Variants in PDE1A observed in about 807,000 individuals in gnomAD.
The protein encoded by PDE1A is phosphodiesterase 1A, also known as dual specificity calcium/calmodulin-dependent 3',5'-cyclic nucleotide phosphodiesterase 1A.
A neutral mutation model predicts 61.7 loss-of-function variants in PDE1A; 35 were observed. That is an observed-to-expected ratio of 0.57 (90% CI 0.43 to 0.75). The LOEUF (loss-of-function observed/expected upper bound fraction) is 0.75, where lower values mean the gene tolerates loss of function less well. Among genes scored for constraint, PDE1A ranks in the 30% least tolerant of loss-of-function variants. The pLI is 0.00. For synonymous variants in PDE1A, 232 were observed against 213.2 expected, an observed-to-expected ratio of 1.09 and a Z score of -0.77; for missense variants, 597 against 630.6, an observed-to-expected ratio of 0.95 and a Z score of 0.57.
intron 1 of PDE1A, among the ~76,000 whole-genome samples, chr2:182,369,088 A>G (rs968124030): frequency 6.6e-6 from 1 of 152,140 alleles, no homozygotes; most frequent in Non-Finnish European, 1.5e-5. Context: ...ATATCACCTT[A>G]GATTACTTCC....
the PDE1A span, among the ~76,000 whole-genome samples, chr2:182,635,476 CTTGT>C: frequency 3.3e-5 from 5 of 151,828 alleles, no homozygotes; most frequent in South Asian, 2.1e-4. Context: ...AGAATACTTC[CTTGT>C]TTGTTTTTAT....
intron 2 of PDE1A, among the ~76,000 whole-genome samples, chr2:182,518,392 C>T (rs1371130816): frequency 6.6e-6 from 1 of 152,042 alleles, no homozygotes; most frequent in Non-Finnish European, 1.5e-5. Flanking sequence ...TCACTTTTTG[C>T]TTCTAAACAT....
the PDE1A span, among the ~76,000 whole-genome samples, chr2:182,691,099 AC>A: frequency 6.6e-6 from 1 of 152,242 alleles, no homozygotes; most frequent in Non-Finnish European, 1.5e-5. Flanking sequence ...AAATGGCCAT[AC>A]AGCCCAAGGT....
chr2:182,168,250 C>A (rs370497015), exon 14 of PDE1A: 30 of 1,592,636 alleles, frequency 1.9e-5, no homozygotes, highest in Non-Finnish European at 2.5e-5. Flanking sequence ...AAGGTGTTTA[C>A]TGATGAATAA....
intron 2 of PDE1A, among the ~76,000 whole-genome samples, chr2:182,450,184 C>T (rs1485791793): frequency 2.6e-5 from 4 of 152,060 alleles, no homozygotes; most frequent in Non-Finnish European, 4.4e-5. Context: ...CTACTGCTAA[C>T]TGCCTTCTCT....
chr2:182,310,547 C>A (rs191549223), intron 1 of PDE1A, among the ~76,000 whole-genome samples: 185 of 152,248 alleles, frequency 1.2e-3, no homozygotes, highest in Admixed American at 2.7e-3. Flanking sequence ...ATTCCATCCT[C>A]AGTATATCTT....
chr2:182,223,318 G>A (rs1289658743), intron 7 of PDE1A, among the ~76,000 whole-genome samples: 5 of 151,946 alleles, frequency 3.3e-5, no homozygotes, highest in African/African-American at 1.2e-4. Flanking sequence ...CCATTCTGTG[G>A]TATTTTGTTA....
chr2:182,169,298 A>C (rs1691907881), intron 13 of PDE1A, among the ~76,000 whole-genome samples: 1 of 152,224 alleles, frequency 6.6e-6, no homozygotes, highest in East Asian at 1.9e-4. Context: ...CATTGAAAAA[A>C]ACATACTGAA....
intron 1 of PDE1A, among the ~76,000 whole-genome samples, chr2:182,298,500 C>T (rs936675683): frequency 6.6e-6 from 1 of 152,016 alleles, no homozygotes; most frequent in Non-Finnish European, 1.5e-5. Context: ...GGGGACAATG[C>T]GGGTGGATGC....
the PDE1A span, among the ~76,000 whole-genome samples, chr2:182,670,839 A>G: frequency 1.3e-5 from 2 of 152,242 alleles, no homozygotes; most frequent in East Asian, 1.9e-4. Flanking sequence ...CGGGTGGTGG[A>G]TGGAATCTTG....
chr2:182,368,986 C>T (rs138701887), intron 1 of PDE1A, among the ~76,000 whole-genome samples: 2 of 152,112 alleles, frequency 1.3e-5, no homozygotes, highest in East Asian at 1.9e-4. Flanking sequence ...GTTACTCAAC[C>T]GGCCTAGTTG....
chr2:182,483,693 T>G (rs1430142846), intron 2 of PDE1A, among the ~76,000 whole-genome samples: 3 of 151,764 alleles, frequency 2.0e-5, no homozygotes, highest in African/African-American at 7.3e-5. Flanking sequence ...AAAAAATTTT[T>G]CAAATAAATA....
intron 1 of PDE1A, among the ~76,000 whole-genome samples, chr2:182,379,441 C>A (rs528632704): frequency 7.9e-5 from 12 of 152,290 alleles, no homozygotes; most frequent in South Asian, 2.1e-4. Flanking sequence ...AGGATCTCTG[C>A]AGATCTTTTT....
chr2:182,348,302 G>A (rs569102225), intron 1 of PDE1A, among the ~76,000 whole-genome samples: 1 of 152,280 alleles, frequency 6.6e-6, no homozygotes, highest in East Asian at 1.9e-4. Flanking sequence ...TAGGCAGATT[G>A]TTAGACTCTT....
intron 2 of PDE1A, among the ~76,000 whole-genome samples, chr2:182,484,158 C>A (rs1280290266): frequency 1.3e-5 from 2 of 151,918 alleles, no homozygotes; most frequent in Non-Finnish European, 2.9e-5. Context: ...CCCTAGTGAA[C>A]TCTATAAATG....
chr2:182,576,415 A>C, the PDE1A span, among the ~76,000 whole-genome samples: 2 of 152,180 alleles, frequency 1.3e-5, no homozygotes, highest in Non-Finnish European at 2.9e-5. Context: ...TTAAGACTGA[A>C]TAATATTCCT....
chr2:182,280,192 T>C (rs907385477), intron 1 of PDE1A, among the ~76,000 whole-genome samples: 1 of 151,936 alleles, frequency 6.6e-6, no homozygotes, highest in Non-Finnish European at 1.5e-5. Flanking sequence ...TAACATTATG[T>C]TCTGAATGTC....
chr2:182,630,825 C>T, the PDE1A span, among the ~76,000 whole-genome samples: 26 of 152,078 alleles, frequency 1.7e-4, no homozygotes, highest in African/African-American at 5.8e-4. Flanking sequence ...TCCAGGTGCT[C>T]ACTAGAACAC....
At chr2:182,506,097 T>A (rs1559523654) in intron 2 of PDE1A, among the ~76,000 whole-genome samples, 1 of 152,230 alleles carries the variant, frequency 6.6e-6, no homozygotes, top group Admixed American at 6.5e-5. Context: ...CAGAAAATGA[T>A]GTTATGCTAT....
Sources: gnomAD v4.1 joint callset for allele counts (sites outside exome capture counted in the v4.1 genomes callset) on GRCh38, gnomAD v4.1.1 for gene constraint, MANE v1.5 for transcripts, NCBI Gene and HGNC (gene_info 2026-07-23, HGNC 2026-07-21) for gene names.